The following BMPR1B variants were observed in gnomAD, a reference collection of about 807,000 sequenced individuals.
The protein encoded by BMPR1B is bone morphogenetic protein receptor type-1B.
BMPR1B carries 12 observed loss-of-function variants against 59.1 expected under a neutral mutation model. The ratio of observed to expected loss-of-function variants is 0.20; its 90% CI spans 0.13 to 0.33. The LOEUF is 0.33. Ranked by LOEUF, BMPR1B falls within the 10% of genes least tolerant of loss-of-function variation. BMPR1B has a pLI of 1.00. For synonymous variants in BMPR1B, 237 were observed against 207.3 expected, an observed-to-expected ratio of 1.14 and a Z score of -1.23; for missense variants, 550 against 610.9, an observed-to-expected ratio of 0.90 and a Z score of 1.05.
At chr4:94,905,596 T>G (rs1373161750) in intron 2 of BMPR1B, among the ~76,000 whole-genome samples, 1 of 152,032 alleles carries the variant, frequency 6.6e-6, no homozygotes, top group East Asian at 1.9e-4. Flanking sequence ...TCCCTTTTAA[T>G]AAATTTCATT....
At chr4:95,072,886 A>G (rs1332079669) in intron 3 of BMPR1B, among the ~76,000 whole-genome samples, 1 of 152,182 alleles carries the variant, frequency 6.6e-6, no homozygotes. Flanking sequence ...CATATTGGAA[A>G]TTACAGAAAG....
At chr4:95,066,660 A>G (rs575428255) in intron 3 of BMPR1B, among the ~76,000 whole-genome samples, 20 of 152,336 alleles carry the variant, frequency 1.3e-4, no homozygotes, top group African/African-American at 2.4e-4. Context: ...GAATTTGACT[A>G]GATAATACTT....
At chr4:94,906,006 A>T (rs963283017) in intron 2 of BMPR1B, among the ~76,000 whole-genome samples, 2 of 151,846 alleles carry the variant, frequency 1.3e-5, no homozygotes, top group African/African-American at 4.8e-5. Context: ...AAGATGAACA[A>T]AGTAATGATG....
At chr4:95,084,270 CTG>C (rs538682772) in intron 3 of BMPR1B, among the ~76,000 whole-genome samples, 8 of 150,956 alleles carry the variant, frequency 5.3e-5, no homozygotes, top group East Asian at 1.9e-4. Flanking sequence ...ATTCAGTACT[CTG>C]TGTATGTACA....
chr4:94,777,748 G>A (rs998637378), intron 1 of BMPR1B, among the ~76,000 whole-genome samples: 11 of 152,050 alleles, frequency 7.2e-5, no homozygotes, highest in African/African-American at 2.4e-4. Flanking sequence ...AGTTTTGGCC[G>A]GGCGTGGTGT....
At chr4:94,766,374 T>C (rs547288055) in intron 1 of BMPR1B, among the ~76,000 whole-genome samples, 1 of 151,368 alleles carries the variant, frequency 6.6e-6, no homozygotes, top group African/African-American at 2.4e-5. Flanking sequence ...TACAATTATC[T>C]CACCCATCAT....
At chr4:95,102,873 G>C (rs1730924633) in intron 3 of BMPR1B, among the ~76,000 whole-genome samples, 1 of 151,980 alleles carries the variant, frequency 6.6e-6, no homozygotes, top group Non-Finnish European at 1.5e-5. Context: ...CAAGTAATTT[G>C]TTTCAGAATT....
chr4:95,003,102 A>G (rs1031360753), intron 3 of BMPR1B, among the ~76,000 whole-genome samples: 2 of 152,246 alleles, frequency 1.3e-5, no homozygotes, highest in South Asian at 4.1e-4. Context: ...TTGAAACATA[A>G]GTATGTTTTG....
At chr4:94,874,252 T>C (rs1726625844) in intron 1 of BMPR1B, among the ~76,000 whole-genome samples, 1 of 152,212 alleles carries the variant, frequency 6.6e-6, no homozygotes, top group African/African-American at 2.4e-5. Flanking sequence ...TGAATAATAC[T>C]GCAGTGAACA....
At chr4:95,084,488 C>T (rs1333766404) in intron 3 of BMPR1B, among the ~76,000 whole-genome samples, 1 of 152,012 alleles carries the variant, frequency 6.6e-6, no homozygotes, top group Non-Finnish European at 1.5e-5. Context: ...GCCCTTTTCT[C>T]AAATTTTGTT....
At chr4:94,819,986 T>G (rs1199706697) in intron 1 of BMPR1B, among the ~76,000 whole-genome samples, 1 of 152,238 alleles carries the variant, frequency 6.6e-6, no homozygotes, top group Non-Finnish European at 1.5e-5. Flanking sequence ...CCCTGCTTTT[T>G]CTTCTTAGCC....
At chr4:95,138,697 A>G (rs1185076935) in intron 10 of BMPR1B, among the ~76,000 whole-genome samples, 2 of 152,126 alleles carry the variant, frequency 1.3e-5, no homozygotes, top group Non-Finnish European at 2.9e-5. Context: ...ACTTGATCGA[A>G]TCGACTACTG....
At chr4:94,984,678 G>T (rs1283828680) in intron 2 of BMPR1B, among the ~76,000 whole-genome samples, 2 of 152,144 alleles carry the variant, frequency 1.3e-5, no homozygotes, top group African/African-American at 4.8e-5. Flanking sequence ...AACAGAGAAA[G>T]AAAAATTGGT....
intron 3 of BMPR1B, among the ~76,000 whole-genome samples, chr4:95,017,027 G>T (rs1257933897): frequency 6.6e-6 from 1 of 152,086 alleles, no homozygotes; most frequent in African/African-American, 2.4e-5. Flanking sequence ...TTTTTCCATA[G>T]GGAAAACATT....
chr4:94,803,866 C>A (rs139621267), intron 1 of BMPR1B, among the ~76,000 whole-genome samples: 7 of 72,558 alleles, frequency 9.6e-5, no homozygotes, highest in Admixed American at 2.1e-4. Flanking sequence ...AGAAAAAAAA[C>A]ACATTATTTT....
chr4:94,987,031 A>T (rs1240131622), intron 2 of BMPR1B, among the ~76,000 whole-genome samples: 1 of 57,220 alleles, frequency 1.7e-5, no homozygotes, highest in Non-Finnish European at 3.5e-5. Flanking sequence ...ACAGAGCCAG[A>T]CTCTGTCTCA....
At chr4:94,804,297 T>A (rs1228208374) in intron 1 of BMPR1B, among the ~76,000 whole-genome samples, 1 of 152,228 alleles carries the variant, frequency 6.6e-6, no homozygotes, top group Non-Finnish European at 1.5e-5. Flanking sequence ...ATAGGAAGTT[T>A]AAAATTATTC....
intron 3 of BMPR1B, among the ~76,000 whole-genome samples, chr4:95,082,818 C>T (rs1729265291): frequency 6.6e-6 from 1 of 151,782 alleles, no homozygotes; most frequent in South Asian, 2.1e-4. Context: ...GCGGGCGGAT[C>T]ACGAGGTCAG....
chr4:95,070,170 G>A (rs972571535), intron 3 of BMPR1B, among the ~76,000 whole-genome samples: 1 of 152,132 alleles, frequency 6.6e-6, no homozygotes, highest in South Asian at 2.1e-4. Context: ...GTGTAAAGAA[G>A]GCTAAAGGAA....
Sources: gnomAD v4.1 joint callset for allele counts (sites outside exome capture counted in the v4.1 genomes callset) on GRCh38, gnomAD v4.1.1 for gene constraint, MANE v1.5 for transcripts, NCBI Gene and HGNC (gene_info 2026-07-23, HGNC 2026-07-21) for gene names.